Variants in ADGRG4 observed in about 807,000 individuals in gnomAD.
ADGRG4 encodes the protein G protein-coupled receptor 112.
In ADGRG4, 122 loss-of-function variants were observed where a neutral mutation model predicts 126.2. The ratio of observed to expected loss-of-function variants is 0.97; its 90% confidence interval spans 0.83 to 1.12. The LOEUF (loss-of-function observed/expected upper bound fraction) is 1.12. ADGRG4 is among the 50% of genes most tolerant of loss of function. ADGRG4 has a pLI of 0.00. For missense variants in ADGRG4, 2,481 were observed against 2,251.8 expected, an observed-to-expected ratio of 1.10 and a Z score of -2.06; for synonymous variants, 943 against 838.7, an observed-to-expected ratio of 1.12 and a Z score of -2.15.
chrX:136,337,564 C>A lies in ADGRG4; in HGVS notation c.686-6828C>A, dbSNP rs772764419. On this transcript the variant is annotated intron_variant, in intron 5 of 25. Transcript: ENST00000394143. Reference sequence around the variant, plus strand: ...TTTCCATTTTATTCCTGTAAGATAGCTTTGCTGGATATAGAATTCATGGTT... The same window carrying A: ...TTTCCATTTTATTCCTGTAAGATAGATTTGCTGGATATAGAATTCATGGTT... Among the ~76,000 whole-genome samples the A allele has an allele frequency of 2.2e-4, 25 of 112,454 alleles. 1 individual carries two copies. Among genetic ancestry groups the A allele is most frequent in the Non-Finnish European group, 3.4e-4 (18 of 53,280 alleles).
intron 4 of ADGRG4, among the ~76,000 whole-genome samples, chrX:136,321,226 C>G (rs926456381): frequency 1.8e-5 from 2 of 111,805 alleles, no homozygotes; most frequent in Non-Finnish European, 3.8e-5. Flanking sequence ...CAGAAGTAAG[C>G]ATTTTCTCAT....
intron 7 of ADGRG4, among the ~76,000 whole-genome samples, chrX:136,352,841 T>C (rs1038717488): frequency 6.2e-5 from 7 of 112,147 alleles, no homozygotes; most frequent in African/African-American, 2.3e-4. Flanking sequence ...ACAGACTGGA[T>C]GGCTTAAACA....
intron 5 of ADGRG4, among the ~76,000 whole-genome samples, chrX:136,333,968 A>C (rs1250318002): frequency 9.0e-6 from 1 of 111,556 alleles, no homozygotes; most frequent in Non-Finnish European, 1.9e-5. Flanking sequence ...ATTTTCTCCT[A>C]TATTTTTTCT....
At position 136,393,523 on chromosome X, in the gene ADGRG4, CT is replaced by C; in HGVS notation, c.8035-5del. ...AAGGCAAGATGTTTACCTCTGATTTCTTTTTTTCCAGAATTATGGTCAAGTT... is the reference window on the plus strand; with the variant it reads ...AAGGCAAGATGTTTACCTCTGATTTCTTTTTTCCAGAATTATGGTCAAGTT... On this transcript the variant is annotated splice_polypyrimidine_tract_variant and intron_variant, in intron 17 of 25. Coordinates refer to ENST00000394143, the MANE Select transcript of ADGRG4 (RefSeq NM_153834.4). 2 of 1,191,719 alleles carry C rather than the reference CT, an allele frequency of 1.7e-6. No individual in the cohort carries two copies. The highest frequency in any genetic ancestry group is 2.3e-6 in the Non-Finnish European group (2 of 878,862).
chrX:136,402,011 A>G (rs984609595), intron 21 of ADGRG4, among the ~76,000 whole-genome samples: 2 of 112,376 alleles, frequency 1.8e-5, no homozygotes, highest in Admixed American at 9.4e-5. Context: ...CTATGTGGAT[A>G]CATGCACGGT....
At chrX:136,378,914 C>A (rs1330631112) in intron 15 of ADGRG4, among the ~76,000 whole-genome samples, 1 of 111,694 alleles carries the variant, frequency 9.0e-6, no homozygotes, top group Non-Finnish European at 1.9e-5. Flanking sequence ...AGTATTTTTG[C>A]CCTTACATTC....
rs752144516 is a variant in ADGRG4 at position 136,349,804 on chromosome X, C to T, written c.6098C>T (p.Ser2033Phe). ...VSNAPHVMTS[S>F]TVEVSKSTFL... is the part of the protein sequence containing the mutation. ...AATGCCCCTCATGTTATGACTTCCT[C>T]TACAGTAGAGGTGTCAAAATCAACA... The change falls in exon 6 of 26, where the codon TCT becomes TTT. Residue 2033 changes from serine (S) to phenylalanine (F), a missense_variant. Coordinates refer to ENST00000394143, the MANE Select transcript of ADGRG4 (RefSeq NM_153834.4). 3.3e-6 allele frequency: 4 copies of T among 1,210,631 alleles called. No homozygotes were observed. Among genetic ancestry groups the T allele is most frequent in the Non-Finnish European group, 4.5e-6 (4 of 895,052 alleles).
rs1469022604 is a variant in ADGRG4 at position 136,414,203 on chromosome X, G to A, written c.9081G>A (p.Glu3027=). ...AGATAAAGGTTGGATATAAACAGGA[G>A]GGACTAAAGAAAATCTTTGAGCACA... The part of the protein sequence containing the change: ...RCQIKVGYKQ[E]GLKKIFEHKL... Residue 3027 remains glutamate (E), a synonymous_variant, in exon 25 of 26, where the codon GAG becomes GAA. Transcript: ENST00000394143. 8.3e-7 allele frequency: 1 copy of A among 1,206,427 alleles called. No homozygotes were observed. The highest frequency in any genetic ancestry group is 1.1e-6 in the Non-Finnish European group (1 of 891,541).
chrX:136,412,368 T>G lies in ADGRG4; in HGVS notation c.9037+2T>G, dbSNP rs2075450835. The G allele has an allele frequency of 9.0e-7, 1 of 1,108,272 alleles. No homozygotes were observed. Among genetic ancestry groups the G allele is most frequent in the Non-Finnish European group, 1.2e-6 (1 of 802,133 alleles). 91.3% of individuals were successfully genotyped at this position (1,108,272 alleles called of 1,213,427 possible). A position where few individuals can be genotyped will look rare whatever the true frequency, so the allele number is the denominator to read the frequency against. ...GGTTGCGATTGGATAACTCTTCTGG[T>G]AAGATGTCAGTTTGGATGAAGTTTT... On this transcript the variant is annotated splice_donor_variant, in intron 24 of 25. Coordinates refer to ENST00000394143, the MANE Select transcript of ADGRG4 (RefSeq NM_153834.4). LOFTEE classifies it high-confidence loss of function.
Position 136,346,246 on chromosome X carries a change from A to T in ADGRG4, c.2540A>T (p.His847Leu). ...GTGACAAGAAAAGAAGCAACTTCCCATTATCTTATGAGAAAATCAACTATA... is the reference window on the plus strand; with the variant it reads ...GTGACAAGAAAAGAAGCAACTTCCCTTTATCTTATGAGAAAATCAACTATA... ...ATVTRKEATS[H>L]YLMRKSTIAA... The change falls in exon 6 of 26, where the codon CAT (histidine) becomes CTT (leucine). Residue 847 changes from histidine to leucine, a missense_variant. Physicochemically the swap from His to Leu is moderately conservative, Grantham distance 99. Transcript: ENST00000394143. 1 of 1,210,307 alleles carries T rather than the reference A, an allele frequency of 8.3e-7. No homozygotes were observed. Among genetic ancestry groups the T allele is most frequent in the Non-Finnish European group, 1.1e-6 (1 of 894,568 alleles).
intron 7 of ADGRG4, among the ~76,000 whole-genome samples, chrX:136,352,503 T>TAA: frequency 9.8e-6 from 1 of 102,097 alleles, no homozygotes; most frequent in African/African-American, 3.5e-5. Flanking sequence ...TTGTTTTCTT[T>TAA]AAAAAAAAAA....
At chrX:136,308,660 A>G (rs905949445) in intron 3 of ADGRG4, 109 bp from the exon 4 acceptor site, 1 of 530,488 alleles carries the variant, frequency 1.9e-6, no homozygotes, top group African/African-American at 2.3e-5. Flanking sequence ...TTTAAGCAAT[A>G]GGAAAAAACC....
chrX:136,403,393 G>C lies in ADGRG4; in HGVS notation c.8654+71G>C, dbSNP rs888602236. ...AGCAGGGTATAGTAAAATGTTCTTG[G>C]CCTGGGATTGGTCTTGACCCTTGGC... On this transcript the variant is annotated intron_variant, in intron 22 of 25. Transcript: ENST00000394143. The C allele has an allele frequency of 2.8e-5, 24 of 865,865 alleles. No individual in the cohort carries two copies. The African/African-American group carries it at 3.9e-4, about 14-fold the overall frequency. 71.4% of individuals were successfully genotyped at this position (865,865 alleles called of 1,213,427 possible).
In ADGRG4 at chrX:136,408,418, T is replaced by A. The variant is rs377051464; in HGVS notation, c.8935+2446T>A. ...GTTGTCTACTGTTGCCATCTTTATG[T>A]CCATGTGTACCCCATGTTTAGCTTT... On this transcript the variant is annotated intron_variant, in intron 23 of 25. Transcript: ENST00000394143. Among the ~76,000 whole-genome samples the A allele has an allele frequency of 9.8e-5, 11 of 112,072 alleles. No individual in the cohort carries two copies. In the East Asian group the frequency reaches 3.1e-3, roughly 32 times the overall value.
intron 3 of ADGRG4, among the ~76,000 whole-genome samples, chrX:136,308,190 G>A (rs989470256): frequency 5.3e-5 from 6 of 112,662 alleles, no homozygotes; most frequent in South Asian, 3.6e-4. Flanking sequence ...TGCAACCTCC[G>A]CCTCCCAGGT....
chrX:136,332,139 A>T (rs1446550188), intron 5 of ADGRG4, among the ~76,000 whole-genome samples: 1 of 105,055 alleles, frequency 9.5e-6, no homozygotes, highest in African/African-American at 3.5e-5. Context: ...ATATCTCCCG[A>T]TGCTATCCCT....
At chrX:136,400,185 G>GA in intron 21 of ADGRG4, 69 bp downstream of exon 21, 1 of 887,199 alleles carries the variant, frequency 1.1e-6, no homozygotes, top group Non-Finnish European at 1.6e-6. Flanking sequence ...AGCTCTGTTA[G>GA]ATTCTGTTAA....
intron 5 of ADGRG4, among the ~76,000 whole-genome samples, chrX:136,336,342 G>A (rs1184167645): frequency 9.0e-6 from 1 of 111,387 alleles, no homozygotes; most frequent in Non-Finnish European, 1.9e-5. Flanking sequence ...TGAGTGGAGT[G>A]CTCTATATCA....
chrX:136,306,146 A>G, intron 3 of ADGRG4: 1 of 111,581 alleles, frequency 9.0e-6, no homozygotes, highest in Non-Finnish European at 1.9e-5. Flanking sequence ...GGAAGTTAAA[A>G]GAGTCCAGTT....
Sources: allele counts gnomAD v4.1 joint callset (sites outside exome capture counted in the v4.1 genomes callset), GRCh38; gene constraint gnomAD v4.1.1; transcripts MANE v1.5; gene names NCBI Gene and HGNC (gene_info 2026-07-23, HGNC 2026-07-21).